Variants in ELOVL7 observed in about 807,000 individuals in gnomAD.
The protein encoded by ELOVL7 is very long chain fatty acid elongase 7.
In ELOVL7, 27 loss-of-function variants were observed where a neutral mutation model predicts 35.7. The observed-to-expected ratio is 0.76, with a 90% confidence interval of 0.56 to 1.04. ELOVL7 has a LOEUF of 1.04. ELOVL7 is among the 50% of genes least tolerant of loss of function. The pLI, the probability that ELOVL7 is intolerant of heterozygous loss-of-function variation, is 0.00. For synonymous variants in ELOVL7, 113 were observed against 114.6 expected (o/e 0.99, Z 0.09); for missense variants, 327 against 340.8 (o/e 0.96, Z 0.32).
At chr5:60,778,353 T>C (rs142240432) in intron 3 of ELOVL7, among the ~76,000 whole-genome samples, 304 of 152,302 alleles carry the variant, frequency 2.0e-3, no homozygotes, top group African/African-American at 7.0e-3. Context: ...ATGAACATCA[T>C]TGTATTAGTC....
intron 1 of ELOVL7, among the ~76,000 whole-genome samples, chr5:60,840,483 G>T (rs147573267): frequency 2.0e-5 from 3 of 152,270 alleles, no homozygotes; most frequent in African/African-American, 7.2e-5. Flanking sequence ...TTTCAGAAGG[G>T]TTCAACACTG....
chr5:60,779,895 C>T (rs577959184), intron 3 of ELOVL7, among the ~76,000 whole-genome samples: 1 of 152,194 alleles, frequency 6.6e-6, no homozygotes, highest in African/African-American at 2.4e-5. Context: ...TGCCAGATAC[C>T]CTAAATTATC....
chr5:60,815,592 G>A (rs1745472819), intron 1 of ELOVL7, among the ~76,000 whole-genome samples: 1 of 149,518 alleles, frequency 6.7e-6, no homozygotes, highest in Admixed American at 6.6e-5. Context: ...TTTTGAGACA[G>A]AGTCTCGTTC....
chr5:60,799,158 T>C (rs1744441125), intron 2 of ELOVL7, 22 bp downstream of exon 2: 1 of 151,420 alleles, frequency 6.6e-6, no homozygotes, highest in Admixed American at 6.6e-5. Flanking sequence ...TTGAGACAAA[T>C]GAAAATGAAA....
At chr5:60,759,605 TTTC>T (rs904942397) in intron 7 of ELOVL7, among the ~76,000 whole-genome samples, 4 of 115,620 alleles carry the variant, frequency 3.5e-5, no homozygotes, top group African/African-American at 1.6e-4. Flanking sequence ...GCGTGCCTAT[TTTC>T]TTTTTTTTTT....
chr5:60,828,273 T>A (rs2112375446), intron 1 of ELOVL7, among the ~76,000 whole-genome samples: 1 of 152,280 alleles, frequency 6.6e-6, no homozygotes, highest in East Asian at 1.9e-4. Flanking sequence ...CTCTGTTACA[T>A]CCTCATATGG....
At chr5:60,815,028 A>G (rs1745443083) in intron 1 of ELOVL7, among the ~76,000 whole-genome samples, 1 of 152,220 alleles carries the variant, frequency 6.6e-6, no homozygotes, top group African/African-American at 2.4e-5. Context: ...ATATGAGCTG[A>G]TAGTCTTAAA....
intron 1 of ELOVL7, among the ~76,000 whole-genome samples, chr5:60,830,693 T>A (rs1168150188): frequency 2.6e-5 from 4 of 151,860 alleles, no homozygotes; most frequent in East Asian, 1.9e-4. Flanking sequence ...AAATTTACCA[T>A]CTTAACCATT....
chr5:60,842,980 A>G (rs891749940), intron 1 of ELOVL7, among the ~76,000 whole-genome samples: 2 of 152,018 alleles, frequency 1.3e-5, no homozygotes, highest in African/African-American at 4.8e-5. Context: ...ACGAAGAGAA[A>G]CTACAAAGAA....
intron 1 of ELOVL7, among the ~76,000 whole-genome samples, chr5:60,831,061 T>C (rs1190234271): frequency 6.6e-6 from 1 of 152,224 alleles, no homozygotes; most frequent in Admixed American, 6.5e-5. Context: ...AAATAGCTAA[T>C]GTTTATTACA....
intron 3 of ELOVL7, among the ~76,000 whole-genome samples, chr5:60,772,388 A>G (rs1391996824): frequency 6.6e-6 from 1 of 152,144 alleles, no homozygotes; most frequent in Non-Finnish European, 1.5e-5. Flanking sequence ...CCATGTAAGG[A>G]TACAATGAGA....
chr5:60,802,542 C>T (rs1353392040), intron 1 of ELOVL7: 2 of 152,114 alleles, frequency 1.3e-5, no homozygotes, highest in Non-Finnish European at 2.9e-5. Flanking sequence ...AAAGATTAAT[C>T]TAGGATTTCA....
At chr5:60,810,179 G>A (rs36111624) in intron 1 of ELOVL7, among the ~76,000 whole-genome samples, 118,996 of 152,182 alleles carry the variant, frequency 0.78, 46,766 homozygotes, top group East Asian at 0.9. Flanking sequence ...TAAGAAAATG[G>A]AGCATTTCTT....
intron 1 of ELOVL7, among the ~76,000 whole-genome samples, chr5:60,842,710 G>A (rs1747249580): frequency 1.3e-5 from 2 of 152,152 alleles, no homozygotes; most frequent in Admixed American, 1.3e-4. Context: ...CAGAACCCCA[G>A]AGCTGGAATC....
At chr5:60,814,951 T>C (rs1745437859) in intron 1 of ELOVL7, among the ~76,000 whole-genome samples, 1 of 152,172 alleles carries the variant, frequency 6.6e-6, no homozygotes, top group Non-Finnish European at 1.5e-5. Context: ...CCCTATCCCA[T>C]GAAAAACATC....
chr5:60,817,759 CCA>C (rs1745611319), intron 1 of ELOVL7, among the ~76,000 whole-genome samples: 1 of 144,648 alleles, frequency 6.9e-6, no homozygotes, highest in East Asian at 2.0e-4. Flanking sequence ...CATATATATA[CCA>C]TATATAAACA....
At chr5:60,799,085 T>G (rs1056471016) in intron 2 of ELOVL7, 95 bp downstream of exon 2, 1 of 152,032 alleles carries the variant, frequency 6.6e-6, no homozygotes, top group Admixed American at 6.5e-5. Flanking sequence ...ACATGGAAAG[T>G]AAGCAACATG....
chr5:60,791,188 C>T (rs1368041514), intron 2 of ELOVL7, among the ~76,000 whole-genome samples: 1 of 152,132 alleles, frequency 6.6e-6, no homozygotes, highest in East Asian at 1.9e-4. Context: ...GTTGCTCAGG[C>T]TGGTCTCAAA....
At chr5:60,755,290 G>T (rs1467173043) in intron 8 of ELOVL7, among the ~76,000 whole-genome samples, 15 of 152,074 alleles carry the variant, frequency 9.9e-5, no homozygotes, top group African/African-American at 3.4e-4. Context: ...TTTACTTAGA[G>T]CCCCTGGAAT....
Sources: gnomAD v4.1 joint callset for allele counts (sites outside exome capture counted in the v4.1 genomes callset) on GRCh38, gnomAD v4.1.1 for gene constraint, MANE v1.5 for transcripts, NCBI Gene and HGNC (gene_info 2026-07-23, HGNC 2026-07-21) for gene names.